Variants in FAM117B observed in about 807,000 individuals in gnomAD.
FAM117B encodes family with sequence similarity 117 member B, also known as protein FAM117B.
In FAM117B, 22 loss-of-function variants were observed where a neutral mutation model predicts 52.8. The ratio of observed to expected loss-of-function variants is 0.42; its 90% confidence interval spans 0.30 to 0.59. The LOEUF is 0.59. FAM117B is among the 20% of genes least tolerant of loss of function. The probability of loss-of-function intolerance (pLI) is 0.22; values close to 1 mark genes in which losing one functional copy is unlikely to be tolerated. For synonymous variants in FAM117B, 309 were observed against 324.1 expected (o/e 0.95, Z 0.50); for missense variants, 678 against 802.6 (o/e 0.84, Z 1.88).
chr2:202,763,165 G>A (rs917577863), intron 7 of FAM117B, among the ~76,000 whole-genome samples: 3 of 149,808 alleles, frequency 2.0e-5, no homozygotes, highest in South Asian at 2.1e-4. Flanking sequence ...TCCACCTCCC[G>A]GGTTCGCGCC....
At chr2:202,690,502 A>T (rs913775457) in intron 1 of FAM117B, among the ~76,000 whole-genome samples, 1 of 152,238 alleles carries the variant, frequency 6.6e-6, no homozygotes, top group African/African-American at 2.4e-5. Context: ...AGGAACAGTC[A>T]GGAACCTTTC....
At chr2:202,713,243 T>C (rs942918166) in intron 2 of FAM117B, among the ~76,000 whole-genome samples, 2 of 152,210 alleles carry the variant, frequency 1.3e-5, no homozygotes, top group African/African-American at 4.8e-5. Context: ...GATTTATTCA[T>C]AGTTAAATAT....
intron 4 of FAM117B, among the ~76,000 whole-genome samples, chr2:202,731,008 T>C (rs964755203): frequency 2.6e-5 from 4 of 152,186 alleles, no homozygotes; most frequent in Non-Finnish European, 5.9e-5. Context: ...AAGGCATTTG[T>C]GTCTAAATTA....
In FAM117B at chr2:202,635,115, G is replaced by T; in HGVS notation, c.-73G>T. 8.0e-7 allele frequency: 1 copy of T among 1,251,218 alleles called. No individual in the cohort carries two copies. The highest frequency in any genetic ancestry group is 1.0e-6 in the Non-Finnish European group (1 of 997,064). The allele number at this position is 1,251,218 out of a possible 1,614,324, so 77.5% of individuals were successfully genotyped here. ...CTTGGGGGGCCTGCCCTCCGGCCTC[G>T]AGAATCCTCCCCCTGCAGCCCAACA... On this transcript the variant is annotated 5_prime_UTR_variant, in exon 1 of 8. Transcript: ENST00000392238.
chr2:202,645,294 TG>T (rs1689842898), intron 1 of FAM117B, among the ~76,000 whole-genome samples: 1 of 151,414 alleles, frequency 6.6e-6, no homozygotes, highest in Non-Finnish European at 1.5e-5. Flanking sequence ...TTTTTTTTTT[TG>T]TTTGTCTGTT....
At chr2:202,687,144 C>T (rs1462204468) in intron 1 of FAM117B, among the ~76,000 whole-genome samples, 2 of 152,170 alleles carry the variant, frequency 1.3e-5, no homozygotes, top group East Asian at 1.9e-4. Context: ...CATGCAACAA[C>T]AAGCATGGAT....
At chr2:202,745,757 C>T (rs1691622045) in intron 4 of FAM117B, among the ~76,000 whole-genome samples, 1 of 152,112 alleles carries the variant, frequency 6.6e-6, no homozygotes, top group Admixed American at 6.5e-5. Context: ...ATGGAAAAGG[C>T]TATTCCACGC....
rs191097378 is a variant in FAM117B, at chr2:202,741,727, G to A, written c.961-13811G>A. Reference sequence around the variant, plus strand: ...GATTTTTTGTATTTTTAGTAGAGACGGGGTTTCACCGTGTTAGCCAGGATG... The same window carrying A: ...GATTTTTTGTATTTTTAGTAGAGACAGGGTTTCACCGTGTTAGCCAGGATG... On this transcript the variant is annotated intron_variant, in intron 4 of 7. Coordinates refer to ENST00000392238, the MANE Select transcript of FAM117B (RefSeq NM_173511.4). Among the ~76,000 whole-genome samples, 39 of 151,998 alleles carry A rather than the reference G, an allele frequency of 2.6e-4. No individual in the cohort carries two copies. The East Asian group carries it at 7.2e-3, about 28-fold the overall frequency.
chr2:202,686,763 C>T (rs1456995566), intron 1 of FAM117B, among the ~76,000 whole-genome samples: 1 of 151,496 alleles, frequency 6.6e-6, no homozygotes, highest in East Asian at 1.9e-4. Flanking sequence ...GCTGAGATTG[C>T]CATCACTGAA....
In FAM117B at chr2:202,696,007, C is replaced by A. The variant is rs1301403377; in HGVS notation, c.728C>A (p.Pro243His). The A allele has an allele frequency of 6.2e-7, 1 of 1,614,108 alleles. No individual in the cohort carries two copies. Among genetic ancestry groups the A allele is most frequent in the Admixed American group, 1.7e-5 (1 of 60,010 alleles). The change falls in exon 2 of 8, where the codon CCT becomes CAT. Residue 243 changes from proline (P) to histidine (H), a missense_variant. Pro to His is a moderately conservative substitution (Grantham distance 77). This residue lies in a region of FAM117B where 583 missense variants were observed against 644.8 expected (regional missense o/e 0.90). Coordinates refer to ENST00000392238, the MANE Select transcript of FAM117B (RefSeq NM_173511.4). ...CGGGATAGCCATGGGCAAGCTGCAC[C>A]TTGCATGAGGGACAAAGCTACACAG... is the stretch of plus-strand genomic sequence containing the variant. Reference protein sequence around the residue: ...WPRDSHGQAAPCMRDKATQTE... With the variant: ...WPRDSHGQAAHCMRDKATQTE...
intron 4 of FAM117B, among the ~76,000 whole-genome samples, chr2:202,746,925 C>T (rs542632511): frequency 6.7e-6 from 1 of 148,562 alleles, no homozygotes; most frequent in African/African-American, 2.5e-5. Flanking sequence ...CAAAACCAGA[C>T]ACAGGCACAA....
At chr2:202,736,710 C>T (rs535871146) in intron 4 of FAM117B, among the ~76,000 whole-genome samples, 3 of 152,138 alleles carry the variant, frequency 2.0e-5, no homozygotes, top group East Asian at 3.9e-4. Flanking sequence ...TGCAGTGAGC[C>T]GTTATTGCCC....
chr2:202,662,119 GGTGTGTGTGT>G (rs35842700), intron 1 of FAM117B, among the ~76,000 whole-genome samples: 1 of 149,580 alleles, frequency 6.7e-6, no homozygotes, highest in South Asian at 2.1e-4. Flanking sequence ...ATGTGAGGTA[GGTGTGTGTGT>G]GTGTGTGTGT....
intron 1 of FAM117B, among the ~76,000 whole-genome samples, chr2:202,667,491 C>T (rs909520808): frequency 2.6e-4 from 40 of 152,042 alleles, no homozygotes; most frequent in Non-Finnish European, 1.8e-4. Flanking sequence ...TTTGTGTGTG[C>T]GTGCGCGCGC....
intron 1 of FAM117B, among the ~76,000 whole-genome samples, chr2:202,648,642 A>G (rs1221818906): frequency 6.6e-6 from 1 of 151,854 alleles, no homozygotes; most frequent in Non-Finnish European, 1.5e-5. Flanking sequence ...TTTTATTTAT[A>G]AACATTTAGA....
chr2:202,761,383 G>A (rs1691885339), intron 7 of FAM117B, among the ~76,000 whole-genome samples: 1 of 152,320 alleles, frequency 6.6e-6, no homozygotes, highest in African/African-American at 2.4e-5. Flanking sequence ...AGGACTCAGT[G>A]TCTGAGCTAT....
chr2:202,720,671 CACATTCAT>C (rs987927985), intron 2 of FAM117B, among the ~76,000 whole-genome samples: 2 of 151,852 alleles, frequency 1.3e-5, no homozygotes, highest in African/African-American at 4.8e-5. Context: ...GACCCAGTTC[CACATTCAT>C]ACATTGCACT....
chr2:202,686,348 AT>A (rs1690537095), intron 1 of FAM117B, among the ~76,000 whole-genome samples: 1 of 152,238 alleles, frequency 6.6e-6, no homozygotes, highest in African/African-American at 2.4e-5. Flanking sequence ...TTTGGAAAAC[AT>A]TTTGGCAGTT....
At chr2:202,720,706 T>G (rs1360386638) in intron 2 of FAM117B, among the ~76,000 whole-genome samples, 2 of 152,164 alleles carry the variant, frequency 1.3e-5, no homozygotes, top group Admixed American at 1.3e-4. Flanking sequence ...CTCTTAAGTC[T>G]TTCTTAATTT....
Sources: gnomAD v4.1 joint callset for allele counts (sites outside exome capture counted in the v4.1 genomes callset) on GRCh38, gnomAD v4.1.1 for gene constraint, gnomAD v4.1.1 regional missense constraint, MANE v1.5 for transcripts, NCBI Gene and HGNC (gene_info 2026-07-23, HGNC 2026-07-21) for gene names.